Variants in MCCC1 observed in about 807,000 individuals in gnomAD.
The protein encoded by MCCC1 is methylcrotonoyl-CoA carboxylase subunit alpha, mitochondrial.
A neutral mutation model predicts 83.8 loss-of-function variants in MCCC1; 64 were observed. That is an observed-to-expected ratio of 0.76 (90% CI 0.62 to 0.94). The LOEUF (loss-of-function observed/expected upper bound fraction) is 0.94. Among genes scored for constraint, MCCC1 ranks in the 40% least tolerant of loss-of-function variants. The pLI is 0.00. For synonymous variants in MCCC1, 322 were observed against 315.4 expected (o/e 1.02, Z -0.22); for missense variants, 807 against 904.7 (o/e 0.89, Z 1.39).
upstream of MCCC1, among the ~76,000 whole-genome samples, chr3:183,100,763 G>T (rs576526550): frequency 6.6e-6 from 1 of 152,326 alleles, no homozygotes; most frequent in Non-Finnish European, 1.5e-5. Flanking sequence ...GCTTGCTCTC[G>T]GCACCTCCCC....
intron 15 of MCCC1, among the ~76,000 whole-genome samples, chr3:183,024,449 A>G (rs1226857626): frequency 6.6e-6 from 1 of 152,100 alleles, no homozygotes; most frequent in African/African-American, 2.4e-5. Flanking sequence ...CAACAACAAA[A>G]CAATTAAATT....
At chr3:183,085,632 A>G (rs1717839867) in intron 4 of MCCC1, among the ~76,000 whole-genome samples, 2 of 3,868 alleles carry the variant, frequency 5.2e-4, no homozygotes, top group Middle Eastern at 0.17. Context: ...CCTGTCTTTA[A>G]AAAAAAAAAA....
chr3:183,091,858 GA>G (rs1162814974), intron 3 of MCCC1, among the ~76,000 whole-genome samples: 3 of 152,126 alleles, frequency 2.0e-5, no homozygotes, highest in Non-Finnish European at 4.4e-5. Context: ...CTAACACGGT[GA>G]AAACCTGTCT....
chr3:183,060,006 G>A (rs941906925), intron 7 of MCCC1, among the ~76,000 whole-genome samples: 1 of 152,006 alleles, frequency 6.6e-6, no homozygotes, highest in Non-Finnish European at 1.5e-5. Context: ...TCCTGGTTCT[G>A]TAGTTTTGCA....
chr3:183,081,884 T>C (rs190798538), intron 4 of MCCC1, among the ~76,000 whole-genome samples: 11 of 152,262 alleles, frequency 7.2e-5, no homozygotes, highest in African/African-American at 2.4e-4. Flanking sequence ...AGGACACAGC[T>C]TGGCTTGCTC....
At chr3:183,068,948 CACA>C (rs1021101594) in intron 7 of MCCC1, among the ~76,000 whole-genome samples, 9 of 152,134 alleles carry the variant, frequency 5.9e-5, no homozygotes, top group African/African-American at 2.2e-4. Flanking sequence ...ATGATGTGTG[CACA>C]ACAATGAAAT....
At chr3:183,085,151 T>G (rs771525878) in intron 4 of MCCC1, among the ~76,000 whole-genome samples, 21 of 152,136 alleles carry the variant, frequency 1.4e-4, no homozygotes, top group Non-Finnish European at 2.4e-4. Context: ...GAGAAGGAAT[T>G]CAGGTGAGGG....
intron 4 of MCCC1, 102 bp from the exon 5 acceptor site, chr3:183,072,589 C>T (rs1560259239): frequency 7.9e-7 from 1 of 1,267,574 alleles, no homozygotes. Context: ...TCTCCCTACA[C>T]TGGTAATAGT....
intron 8 of MCCC1, among the ~76,000 whole-genome samples, chr3:183,053,074 G>C (rs181529603): frequency 1.3e-5 from 2 of 152,172 alleles, no homozygotes; most frequent in Non-Finnish European, 2.9e-5. Context: ...ACTTTTATTG[G>C]GACAAGATGT....
intron 1 of MCCC1, among the ~76,000 whole-genome samples, chr3:183,110,015 A>AT (rs1468168044): frequency 6.6e-6 from 1 of 152,022 alleles, no homozygotes; most frequent in Non-Finnish European, 1.5e-5. Flanking sequence ...GATATTGAGA[A>AT]TTTTTTTCAT....
chr3:183,025,023 T>C (rs181561826), intron 15 of MCCC1, among the ~76,000 whole-genome samples: 7 of 151,252 alleles, frequency 4.6e-5, no homozygotes, highest in South Asian at 2.1e-4. Flanking sequence ...GAAGACACTG[T>C]GCCAAGTGAA....
upstream of MCCC1, among the ~76,000 whole-genome samples, chr3:183,102,521 AT>A (rs1317474429): frequency 6.6e-6 from 1 of 152,146 alleles, no homozygotes; most frequent in African/African-American, 2.4e-5. Context: ...AGAAAAACTT[AT>A]ATTCACAGAG....
chr3:183,077,772 A>AT (rs1285793072), intron 4 of MCCC1, among the ~76,000 whole-genome samples: 2 of 151,836 alleles, frequency 1.3e-5, no homozygotes, highest in African/African-American at 2.4e-5. Flanking sequence ...TTGTAAGTTA[A>AT]TTTTTTTTGT....
At chr3:183,103,314 A>G (rs774971394), upstream of MCCC1, among the ~76,000 whole-genome samples, 2 of 152,112 alleles carry the variant, frequency 1.3e-5, no homozygotes, top group Non-Finnish European at 2.9e-5. Flanking sequence ...CGCTCTGGGC[A>G]GCCTGCTTTT....
chr3:183,047,953 T>A (rs1714677165), intron 9 of MCCC1, among the ~76,000 whole-genome samples: 1 of 152,250 alleles, frequency 6.6e-6, no homozygotes, highest in Non-Finnish European at 1.5e-5. Flanking sequence ...TGTAGGCAAC[T>A]GTAACACAGT....
chr3:183,052,253 T>C lies in MCCC1; in HGVS notation c.874-13A>G. On this transcript the variant is annotated splice_polypyrimidine_tract_variant and intron_variant, in intron 8 of 18. Transcript: ENST00000265594. ...ATTTAATACCAGGCTATGAAAAAAA[T>C]ATGTAAATAAATCTCCATTAGTAGC... The C allele has an allele frequency of 1.2e-6, 2 of 1,610,874 alleles. No homozygotes were observed. The highest frequency in any genetic ancestry group is 8.5e-7 in the Non-Finnish European group (1 of 1,177,212).
At chr3:183,108,801 C>T (rs1025816864) in intron 1 of MCCC1, among the ~76,000 whole-genome samples, 8 of 152,132 alleles carry the variant, frequency 5.3e-5, no homozygotes, top group South Asian at 2.1e-4. Flanking sequence ...TTGCTCCAAC[C>T]GAAGTGTAGA....
intron 9 of MCCC1, among the ~76,000 whole-genome samples, chr3:183,048,839 A>C (rs994683134): frequency 6.6e-6 from 1 of 152,230 alleles, no homozygotes; most frequent in Admixed American, 6.5e-5. Flanking sequence ...GATAGACCAC[A>C]TTCTGGACCA....
At chr3:183,050,763 C>A (rs1185138921) in intron 9 of MCCC1, among the ~76,000 whole-genome samples, 1 of 148,818 alleles carries the variant, frequency 6.7e-6, no homozygotes, top group African/African-American at 2.5e-5. Flanking sequence ...AAGCCTCAGA[C>A]TGACAGTGTT....
Sources: allele counts gnomAD v4.1 joint callset (sites outside exome capture counted in the v4.1 genomes callset), GRCh38; gene constraint gnomAD v4.1.1; transcripts MANE v1.5; gene names NCBI Gene and HGNC (gene_info 2026-07-23, HGNC 2026-07-21).